ABCC1: variants seen among roughly 807,000 people sequenced by gnomAD.
ABCC1 encodes ATP binding cassette subfamily C member 1 (ABCC1 blood group), also known as multidrug resistance-associated protein 1.
Under a neutral mutation model 172.9 loss-of-function variants are expected in ABCC1, and 83 were observed. The observed-to-expected ratio is 0.48, with a 90% confidence interval of 0.40 to 0.58. ABCC1 has a LOEUF of 0.58. ABCC1 is among the 20% of genes least tolerant of loss of function. ABCC1 has a pLI of 0.00. For synonymous variants in ABCC1, 937 were observed against 825.2 expected (o/e 1.14, Z -2.32); for missense variants, 1,817 against 2,002.7 (o/e 0.91, Z 1.77).
At chr16:16,016,359 G>T in intron 4 of ABCC1, 137 bp from the exon 5 acceptor site, 1 of 1,100,670 alleles carries the variant, frequency 9.1e-7, no homozygotes, top group South Asian at 1.5e-5. Flanking sequence ...TCACCATGTT[G>T]ACCAGGATGG....
chr16:16,019,800 A>T (rs1333488105), intron 5 of ABCC1, among the ~76,000 whole-genome samples: 1 of 152,056 alleles, frequency 6.6e-6, no homozygotes, highest in Non-Finnish European at 1.5e-5. Flanking sequence ...CTGGCGGCTA[A>T]AAGGCTACAC....
intron 16 of ABCC1, among the ~76,000 whole-genome samples, chr16:16,080,862 GTTGT>G (rs1480774097): frequency 3.6e-5 from 3 of 82,390 alleles, no homozygotes; most frequent in Non-Finnish European, 7.6e-5. Flanking sequence ...AGTTTATGAC[GTTGT>G]TTGTTGTTGT....
In ABCC1 at chr16:15,978,437, A is replaced by G. The variant is rs572581609; in HGVS notation, c.48+28638A>G. ...TTGTCCTTGCTGTATGAATGAGGAA[A>G]GTGAGTTTTCCTTTTTGCTTTGTGA... On this transcript the variant is annotated intron_variant, in intron 1 of 30. Transcript: ENST00000399410. 1.1e-4 allele frequency among the ~76,000 whole-genome samples: 16 copies of G among 152,288 alleles called. No individual in the cohort carries two copies. The East Asian group carries it at 3.1e-3, about 29-fold the overall frequency.
chr16:16,139,441 G>A (rs964501458), intron 30 of ABCC1, among the ~76,000 whole-genome samples: 15 of 151,736 alleles, frequency 9.9e-5, no homozygotes, highest in African/African-American at 3.6e-4. Context: ...GTGAGACCCT[G>A]TCACCATTAA....
rs371717056 is a variant in ABCC1 at position 16,079,463 on chromosome 16, G to A, written c.2100G>A (p.Gly700=). The A allele has an allele frequency of 1.2e-5, 19 of 1,612,988 alleles. No homozygotes were observed. In the Admixed American group the frequency reaches 1.5e-4, roughly 13 times the overall value. Residue 700 remains glycine, a synonymous_variant, in exon 16 of 31, where the codon GGG becomes GGA. Transcript: ENST00000399410. ...TGGCTGAGATGGACAAAGTGGAGGG[G>A]CACGTGGCTATCAAGGTAGGATGAG... ...ALLAEMDKVE[G]HVAIKGSVAY... is the part of the protein sequence containing the mutation.
intron 1 of ABCC1, among the ~76,000 whole-genome samples, chr16:15,952,855 C>T (rs1363566163): frequency 6.8e-6 from 1 of 146,920 alleles, no homozygotes; most frequent in African/African-American, 2.5e-5. Flanking sequence ...CATGGATTGA[C>T]CCCCGTCTCT....
At chr16:16,138,200 T>C (rs2045988565) in intron 29 of ABCC1, among the ~76,000 whole-genome samples, 164 bp from the exon 30 acceptor site, 1 of 152,122 alleles carries the variant, frequency 6.6e-6, no homozygotes, top group African/African-American at 2.4e-5. Flanking sequence ...TGTGCTCTGA[T>C]TGATTAGTGA....
At chr16:15,961,072 C>T (rs1048033477) in intron 1 of ABCC1, among the ~76,000 whole-genome samples, 5 of 147,706 alleles carry the variant, frequency 3.4e-5, no homozygotes, top group Non-Finnish European at 5.9e-5. Flanking sequence ...TCTCGAACTC[C>T]TGGGCTCAAG....
intron 18 of ABCC1, among the ~76,000 whole-genome samples, chr16:16,088,124 CGTGTGTGTGT>C (rs60633005): frequency 1.6e-5 from 2 of 126,722 alleles, no homozygotes; most frequent in African/African-American, 2.5e-5. Context: ...TGTGTGTATG[CGTGTGTGTGT>C]GTGTGTGTGT....
intron 27 of ABCC1, among the ~76,000 whole-genome samples, chr16:16,133,944 A>C (rs1261554959): frequency 2.0e-5 from 3 of 152,182 alleles, no homozygotes; most frequent in Admixed American, 2.0e-4. Context: ...AATCTTTCAG[A>C]TATTTCAACA....
chr16:16,012,599 T>C (rs1371509462), intron 3 of ABCC1, among the ~76,000 whole-genome samples: 1 of 151,490 alleles, frequency 6.6e-6, no homozygotes, highest in African/African-American at 2.4e-5. Context: ...CCTCCTAAAG[T>C]GGTGGGATTA....
intron 1 of ABCC1, among the ~76,000 whole-genome samples, chr16:15,986,761 T>C (rs987768733): frequency 2.6e-5 from 4 of 152,194 alleles, no homozygotes; most frequent in African/African-American, 4.8e-5. Flanking sequence ...GGGACGGGGA[T>C]GTAGGCATCT....
intron 22 of ABCC1, among the ~76,000 whole-genome samples, chr16:16,113,481 CCT>C (rs1428334587): frequency 6.6e-6 from 1 of 152,100 alleles, no homozygotes; most frequent in Non-Finnish European, 1.5e-5. Context: ...ATGGCAAAAC[CCT>C]GTTTCTACAA....
intron 12 of ABCC1, among the ~76,000 whole-genome samples, chr16:16,059,432 T>C (rs778238336): frequency 6.6e-6 from 1 of 152,168 alleles, no homozygotes; most frequent in Non-Finnish European, 1.5e-5. Context: ...TAAAAAAGTA[T>C]TTAGAGACAC....
intron 1 of ABCC1, among the ~76,000 whole-genome samples, chr16:15,966,536 A>C (rs527871816): frequency 2.6e-5 from 4 of 152,104 alleles, no homozygotes; most frequent in Non-Finnish European, 5.9e-5. Flanking sequence ...AGTTATAATT[A>C]GGTTGGCTTA....
chr16:15,986,226 C>G (rs577294695), intron 1 of ABCC1, among the ~76,000 whole-genome samples: 2 of 152,170 alleles, frequency 1.3e-5, no homozygotes, highest in South Asian at 4.1e-4. Flanking sequence ...TGAGCCACCA[C>G]GCCCTGCCTC....
intron 24 of ABCC1, among the ~76,000 whole-genome samples, chr16:16,123,116 G>A (rs1172203495): frequency 2.6e-5 from 4 of 152,080 alleles, no homozygotes; most frequent in Admixed American, 2.6e-4. Context: ...GTAAGTCTGG[G>A]TGGGCTAACC....
chr16:15,968,042 TA>T (rs1260413770), intron 1 of ABCC1, among the ~76,000 whole-genome samples: 1 of 152,190 alleles, frequency 6.6e-6, no homozygotes, highest in Non-Finnish European at 1.5e-5. Context: ...TTTCTTTTAT[TA>T]TTTTTTTGAG....
At chr16:16,003,060 A>G (rs1487454051) in intron 1 of ABCC1, among the ~76,000 whole-genome samples, 1 of 152,214 alleles carries the variant, frequency 6.6e-6, no homozygotes, top group Non-Finnish European at 1.5e-5. Flanking sequence ...AGAGGGAGAC[A>G]TGGGTGGATG....
Sources: gnomAD v4.1 joint callset for allele counts (sites outside exome capture counted in the v4.1 genomes callset) on GRCh38, gnomAD v4.1.1 for gene constraint, MANE v1.5 for transcripts, NCBI Gene and HGNC (gene_info 2026-07-23, HGNC 2026-07-21) for gene names.